Variants in TRPC5 observed in about 807,000 individuals in gnomAD.
TRPC5 encodes transient receptor potential cation channel subfamily C member 5, also known as short transient receptor potential channel 5.
Under a neutral mutation model 56.5 loss-of-function variants are expected in TRPC5, and 9 were observed. That is an observed-to-expected ratio of 0.16 (90% CI 0.10 to 0.28). The LOEUF (loss-of-function observed/expected upper bound fraction) is 0.28, where lower values mean the gene tolerates loss of function less well. Among genes scored for constraint, TRPC5 ranks in the 10% least tolerant of loss-of-function variants. TRPC5 has a pLI of 1.00. For missense variants in TRPC5, 469 were observed against 748.9 expected, an observed-to-expected ratio of 0.63 and a Z score of 4.36; for synonymous variants, 282 against 278.5, an observed-to-expected ratio of 1.01 and a Z score of -0.13.
chrX:111,888,367 G>A lies in TRPC5; in HGVS notation c.900+23924C>T, dbSNP rs1436231276. 2.7e-5 allele frequency among the ~76,000 whole-genome samples: 3 copies of A among 109,717 alleles called. No individual in the cohort carries two copies. The East Asian group carries it at 8.6e-4, about 31-fold the overall frequency. On this transcript the variant is annotated intron_variant, in intron 3 of 10. Transcript: ENST00000262839. ...TGACTTCCATTTTAAAGGGATCACTGTCGGTCCTGTTGAAAAAGAGACTGT... is the reference window on the plus strand; with the variant it reads ...TGACTTCCATTTTAAAGGGATCACTATCGGTCCTGTTGAAAAAGAGACTGT...
At chrX:111,849,334 G>C (rs960188006) in intron 5 of TRPC5, among the ~76,000 whole-genome samples, 4 of 112,433 alleles carry the variant, frequency 3.6e-5, no homozygotes, top group African/African-American at 1.3e-4. Context: ...TATGTGCAGG[G>C]AATAAACATG....
At chrX:111,853,115 C>T (rs952033150) in intron 4 of TRPC5, among the ~76,000 whole-genome samples, 3 of 111,496 alleles carry the variant, frequency 2.7e-5, no homozygotes, top group African/African-American at 9.8e-5. Flanking sequence ...AAATTCAGAT[C>T]CCGGGTGGCA....
chrX:112,043,674 G>A (rs1334081968), intron 1 of TRPC5, among the ~76,000 whole-genome samples: 1 of 108,355 alleles, frequency 9.2e-6, no homozygotes, highest in Non-Finnish European at 1.9e-5. Context: ...GCTAGAGATA[G>A]GGAACTCAAG....
chrX:111,837,382 CAGCAG>C (rs1305262896), intron 6 of TRPC5, among the ~76,000 whole-genome samples: 1 of 111,508 alleles, frequency 9.0e-6, no homozygotes, highest in Non-Finnish European at 1.9e-5. Flanking sequence ...GGCAGGAGGC[CAGCAG>C]TAAATAGCAC....
intron 1 of TRPC5, among the ~76,000 whole-genome samples, chrX:111,962,973 G>A (rs965865927): frequency 9.0e-6 from 1 of 111,708 alleles, no homozygotes; most frequent in African/African-American, 3.3e-5. Context: ...GCCAGACAGT[G>A]GGAGCAGAAC....
chrX:111,847,804 TG>T (rs1424888493), intron 5 of TRPC5, among the ~76,000 whole-genome samples: 1 of 111,678 alleles, frequency 9.0e-6, no homozygotes, highest in Non-Finnish European at 1.9e-5. Context: ...CCCAAGATAG[TG>T]GGGAAAAATC....
intron 1 of TRPC5, among the ~76,000 whole-genome samples, chrX:111,957,258 G>C (rs1161011099): frequency 9.0e-6 from 1 of 111,726 alleles, no homozygotes; most frequent in South Asian, 3.8e-4. Context: ...GCAATGCTTT[G>C]TTGAGGTGAT....
chrX:111,995,917 T>G lies in TRPC5; in HGVS notation c.-21-43476A>C, dbSNP rs187099172. Among the ~76,000 whole-genome samples the G allele has an allele frequency of 2.9e-4, 32 of 110,943 alleles. No individual in the cohort carries two copies. In the Admixed American group the frequency reaches 3.0e-3, roughly 10 times the overall value. The stretch of plus-strand genomic sequence containing the variant: ...CGGTCTATCAATTTTGTTGATTTTT[T>G]CAAAAATCCAGCTCCTGGATTCATT... On this transcript the variant is annotated intron_variant, in intron 1 of 10. Transcript: ENST00000262839.
At position 111,906,977 on chromosome X, in the gene TRPC5, GA is replaced by G. The variant is rs1158053121; in HGVS notation, c.900+5313del. ...CTGTTATTAAGCATGGAATCAAGTG[GA>G]AAAGACAACTTTTCTCTTTTAGCTC... On this transcript the variant is annotated intron_variant, in intron 3 of 10. Transcript: ENST00000262839. 3.6e-5 allele frequency among the ~76,000 whole-genome samples: 4 copies of G among 110,891 alleles called. No homozygotes were observed. The Admixed American group carries it at 3.9e-4, about 11-fold the overall frequency.
rs943534902 is a variant in TRPC5 at position 112,056,603 on chromosome X, G to A, written c.-22+25276C>T. 9.8e-5 allele frequency among the ~76,000 whole-genome samples: 11 copies of A among 112,278 alleles called. No individual in the cohort carries two copies. The East Asian group carries it at 2.3e-3, about 23-fold the overall frequency. Reference sequence around the variant, plus strand: ...GAAGGTCCTTTCCAGCCATAGCACCGTATGTTCTATGCATTTTGCTGCTTA... The same window carrying A: ...GAAGGTCCTTTCCAGCCATAGCACCATATGTTCTATGCATTTTGCTGCTTA... On this transcript the variant is annotated intron_variant, in intron 1 of 10. Transcript: ENST00000262839.
chrX:111,901,537 T>C lies in TRPC5; in HGVS notation c.900+10754A>G, dbSNP rs758745684. On this transcript the variant is annotated intron_variant, in intron 3 of 10. Transcript: ENST00000262839. ...TCTTTATATCTCTCTTTTTTATTAT[T>C]AGGTCTGCTTTGCTGTTTTCTCTTG... The C allele has an allele frequency of 1.8e-5, 3 of 163,617 alleles. No individual in the cohort carries two copies. In the East Asian group the frequency reaches 4.0e-4, roughly 22 times the overall value. 13.5% of individuals were successfully genotyped at this position (163,617 alleles called of 1,213,427 possible). A position where few individuals can be genotyped will look rare whatever the true frequency, so the allele number is the denominator to read the frequency against.
chrX:111,902,697 C>CA (rs1363736051), intron 3 of TRPC5: 1 of 111,934 alleles, frequency 8.9e-6, no homozygotes, highest in African/African-American at 3.2e-5. Context: ...ATGTGTCCGA[C>CA]AAAAAATGCT....
chrX:111,980,887 A>AAT (rs1184721278), intron 1 of TRPC5, among the ~76,000 whole-genome samples: 57 of 100,199 alleles, frequency 5.7e-4, no homozygotes, highest in Middle Eastern at 5.0e-3. Context: ...GACTGTGACT[A>AAT]ATATATATAT....
At chrX:111,906,406 G>A (rs191732463) in intron 3 of TRPC5, among the ~76,000 whole-genome samples, 19 of 109,690 alleles carry the variant, frequency 1.7e-4, no homozygotes, top group South Asian at 4.0e-4. Context: ...GTTGTTGAAC[G>A]CGTGTAAATA....
intron 1 of TRPC5, among the ~76,000 whole-genome samples, chrX:112,081,134 G>A (rs1303244209): frequency 1.8e-5 from 2 of 111,943 alleles, no homozygotes; most frequent in African/African-American, 6.5e-5. Context: ...GGTTGTAATA[G>A]GGAAAAAGCC....
chrX:111,908,799 T>C (rs1176657059), intron 3 of TRPC5, among the ~76,000 whole-genome samples: 1 of 111,904 alleles, frequency 8.9e-6, no homozygotes, highest in Non-Finnish European at 1.9e-5. Flanking sequence ...ATCCATAATA[T>C]TGAATAGTTA....
Position 111,944,303 on chromosome X carries a change from T to TGTGTGA in TRPC5, c.378+7739_378+7740insTCACAC, listed in dbSNP as rs1173179815. ...GTGTGTGTGTGTGTGTGTGTGTGTG[T>TGTGTGA]GAGAGAGAGAGAGAGAGAGAGAGAG... On this transcript the variant is annotated intron_variant, in intron 2 of 10. Coordinates refer to ENST00000262839, the MANE Select transcript of TRPC5 (RefSeq NM_012471.3). 4.0e-3 allele frequency among the ~76,000 whole-genome samples: 245 copies of TGTGTGA among 61,311 alleles called. 1 individual carries two copies. Among genetic ancestry groups the TGTGTGA allele is most frequent in the Non-Finnish European group, 5.5e-3 (196 of 35,616 alleles). 53.2% of individuals were successfully genotyped at this position (61,311 alleles called of 115,157 possible). A position where few individuals can be genotyped will look rare whatever the true frequency, so the allele number is the denominator to read the frequency against.
rs769928584 is a variant in TRPC5, at chrX:111,775,506, A to T, written c.*807T>A. Reference sequence around the variant, plus strand: ...TGGTTAGAGTGTAGTAGATGTTTTTAAAAAATAGCACAAATTCTAAATACT... The same window carrying T: ...TGGTTAGAGTGTAGTAGATGTTTTTTAAAAATAGCACAAATTCTAAATACT... On this transcript the variant is annotated 3_prime_UTR_variant, in exon 11 of 11. Transcript: ENST00000262839. 1.8e-5 allele frequency: 2 copies of T among 112,245 alleles called. No individual in the cohort carries two copies. The highest frequency in any genetic ancestry group is 2.8e-4 in the East Asian group (1 of 3,584). The allele number at this position is 112,245 out of a possible 1,213,427, so 9.3% of individuals were successfully genotyped here.
chrX:112,000,388 T>C (rs961166516), intron 1 of TRPC5, among the ~76,000 whole-genome samples: 3 of 111,868 alleles, frequency 2.7e-5, no homozygotes, highest in African/African-American at 9.8e-5. Flanking sequence ...TACAAAGAAG[T>C]ACAAATTTAA....
Sources: allele counts gnomAD v4.1 joint callset (sites outside exome capture counted in the v4.1 genomes callset), GRCh38; gene constraint gnomAD v4.1.1; transcripts MANE v1.5; gene names NCBI Gene and HGNC (gene_info 2026-07-23, HGNC 2026-07-21).